Variants in PPP1R42 observed in about 807,000 individuals in gnomAD.
PPP1R42 encodes leucine rich repeat containing 67.
In PPP1R42, 34 loss-of-function variants were observed where a neutral mutation model predicts 31.0. That is an observed-to-expected ratio of 1.10 (90% CI 0.83 to 1.46). The LOEUF is 1.46. Among genes scored for constraint, PPP1R42 ranks in the 40% most tolerant of loss-of-function variants. The pLI, the probability that PPP1R42 is intolerant of heterozygous loss-of-function variation, is 0.00. For synonymous variants in PPP1R42, 103 were observed against 109.8 expected (o/e 0.94, Z 0.39); for missense variants, 268 against 303.0 (o/e 0.88, Z 0.86).
At chr8:66,973,128 CTTCTAA>C (rs529334191) in intron 7 of PPP1R42, among the ~76,000 whole-genome samples, 4 of 152,122 alleles carry the variant, frequency 2.6e-5, no homozygotes, top group Non-Finnish European at 5.9e-5. Flanking sequence ...TCTTCTTTGC[CTTCTAA>C]TTCTGAGTGC....
intron 7 of PPP1R42, among the ~76,000 whole-genome samples, chr8:66,977,950 C>A (rs576781997): frequency 3.3e-5 from 5 of 152,250 alleles, no homozygotes; most frequent in South Asian, 2.1e-4. Flanking sequence ...TGTCCAGCAC[C>A]CTATTTGTAG....
At chr8:67,006,919 ATTTT>A (rs1364677528) in intron 5 of PPP1R42, among the ~76,000 whole-genome samples, 2 of 148,404 alleles carry the variant, frequency 1.3e-5, no homozygotes, top group Admixed American at 6.7e-5. Flanking sequence ...ATTTTTTTGT[ATTTT>A]TAGTAGAGAT....
intron 6 of PPP1R42, chr8:66,985,065 A>G (rs1308333129): frequency 7.3e-7 from 1 of 1,363,208 alleles, no homozygotes; most frequent in Non-Finnish European, 1.0e-6. Context: ...CCCACCACTC[A>G]ATTTCAGGGA....
intron 6 of PPP1R42, among the ~76,000 whole-genome samples, chr8:66,982,900 C>T (rs1402585448): frequency 6.6e-6 from 1 of 152,000 alleles, no homozygotes; most frequent in African/African-American, 2.4e-5. Flanking sequence ...CCTTAACCTC[C>T]CGAGTAGCTA....
chr8:67,015,804 A>G (rs781133072), intron 2 of PPP1R42, among the ~76,000 whole-genome samples: 6 of 152,222 alleles, frequency 3.9e-5, no homozygotes, highest in Non-Finnish European at 8.8e-5. Context: ...AGATCAGCCT[A>G]GAGTAAATAG....
intron 7 of PPP1R42, among the ~76,000 whole-genome samples, chr8:66,969,939 T>A (rs1031911782): frequency 3.9e-5 from 6 of 152,270 alleles, no homozygotes; most frequent in Non-Finnish European, 7.3e-5. Flanking sequence ...TGTATTAGGA[T>A]CTGGTTTTTA....
intron 7 of PPP1R42, among the ~76,000 whole-genome samples, chr8:66,981,258 T>C (rs1473429735): frequency 1.3e-5 from 2 of 152,156 alleles, no homozygotes; most frequent in Non-Finnish European, 2.9e-5. Context: ...TAACACAACT[T>C]TAGGTATATT....
Position 67,007,373 on chromosome 8 carries a change from A to G in PPP1R42, c.552+3342T>C, listed in dbSNP as rs1300054976. ...CCAGAGAAAATAATTTGTAAGTTCT[A>G]AAATGGATGCTCTTTTTTTCACTCT... is the stretch of plus-strand genomic sequence containing the variant. On this transcript the variant is annotated intron_variant, in intron 5 of 7. Transcript: ENST00000685739. 2.6e-5 allele frequency among the ~76,000 whole-genome samples: 4 copies of G among 152,180 alleles called. No homozygotes were observed. In the East Asian group the frequency reaches 5.8e-4, roughly 22 times the overall value.
At chr8:66,992,800 A>G (rs1394635857) in intron 5 of PPP1R42, among the ~76,000 whole-genome samples, 3 of 152,222 alleles carry the variant, frequency 2.0e-5, no homozygotes, top group African/African-American at 4.8e-5. Flanking sequence ...CCCTAAAGAA[A>G]GAGAGGTCAT....
intron 1 of PPP1R42, among the ~76,000 whole-genome samples, chr8:67,021,960 C>CT (rs1585690051): frequency 7.1e-6 from 1 of 141,366 alleles, no homozygotes; most frequent in African/African-American, 2.9e-5. Context: ...TTGAGTATTT[C>CT]TTTTTTTTCA....
intron 5 of PPP1R42, among the ~76,000 whole-genome samples, chr8:67,003,934 C>T (rs930506128): frequency 4.6e-5 from 7 of 152,052 alleles, no homozygotes; most frequent in South Asian, 2.1e-4. Flanking sequence ...ACTAAAAGTA[C>T]AAAAAATTAG....
intron 7 of PPP1R42, among the ~76,000 whole-genome samples, chr8:66,966,654 A>G (rs1814389097): frequency 6.6e-6 from 1 of 151,932 alleles, no homozygotes; most frequent in Non-Finnish European, 1.5e-5. Context: ...GCGTGGTGGC[A>G]GGCGCCTGTA....
chr8:66,979,184 G>C (rs1293851848), intron 7 of PPP1R42, among the ~76,000 whole-genome samples: 2 of 152,108 alleles, frequency 1.3e-5, no homozygotes, highest in African/African-American at 4.8e-5. Flanking sequence ...TATAGTTTCA[G>C]GTCTTATATT....
intron 5 of PPP1R42, among the ~76,000 whole-genome samples, chr8:66,993,148 T>C (rs1483380226): frequency 1.3e-5 from 2 of 152,192 alleles, no homozygotes; most frequent in Non-Finnish European, 2.9e-5. Flanking sequence ...ATGCTCCCTA[T>C]ATCCAACTCA....
At position 66,981,027 on chromosome 8, in the gene PPP1R42, A is replaced by C. The variant is rs531891239; in HGVS notation, c.802+1022T>G. On this transcript the variant is annotated intron_variant, in intron 7 of 7. Transcript: ENST00000685739. Reference sequence around the variant, plus strand: ...CTGGCTAATTTTTGTATTTTTGTAGAGATAGGGTTTCACCGTGTTGACCAG... The same window carrying C: ...CTGGCTAATTTTTGTATTTTTGTAGCGATAGGGTTTCACCGTGTTGACCAG... Among the ~76,000 whole-genome samples, 13 of 152,010 alleles carry C rather than the reference A, an allele frequency of 8.6e-5. No individual in the cohort carries two copies. The South Asian group carries it at 2.7e-3, about 32-fold the overall frequency.
intron 1 of PPP1R42, among the ~76,000 whole-genome samples, chr8:67,021,908 A>G (rs1563435382): frequency 1.3e-5 from 2 of 152,144 alleles, no homozygotes; most frequent in Non-Finnish European, 2.9e-5. Context: ...TTACTATACA[A>G]TATTCCATTG....
chr8:67,013,715 G>A (rs1815915130), intron 3 of PPP1R42, among the ~76,000 whole-genome samples: 1 of 152,154 alleles, frequency 6.6e-6, no homozygotes, highest in Non-Finnish European at 1.5e-5. Context: ...GCGAGACTCT[G>A]TCTCAAAACC....
chr8:67,005,576 C>G (rs1483610547), intron 5 of PPP1R42, among the ~76,000 whole-genome samples: 1 of 152,168 alleles, frequency 6.6e-6, no homozygotes, highest in East Asian at 1.9e-4. Flanking sequence ...TCTGTTTCTT[C>G]CTTATAAAGG....
intron 5 of PPP1R42, among the ~76,000 whole-genome samples, chr8:67,008,118 T>C (rs917608094): frequency 6.6e-6 from 1 of 151,524 alleles, no homozygotes; most frequent in African/African-American, 2.4e-5. Context: ...GATCTCCTGA[T>C]TGAGTGTTGG....
Sources: allele counts gnomAD v4.1 joint callset (sites outside exome capture counted in the v4.1 genomes callset), GRCh38; gene constraint gnomAD v4.1.1; transcripts MANE v1.5; gene names NCBI Gene and HGNC (gene_info 2026-07-23, HGNC 2026-07-21).